SYCP2L: variants seen among roughly 807,000 people sequenced by gnomAD.
SYCP2L encodes synaptonemal complex protein 2-like.
In SYCP2L, 98 loss-of-function variants were observed where a neutral mutation model predicts 125.8. That is an observed-to-expected ratio of 0.78 (90% CI 0.66 to 0.92). SYCP2L has a LOEUF of 0.92. Ranked by LOEUF, SYCP2L falls within the 40% of genes least tolerant of loss-of-function variation. The pLI, the probability that SYCP2L is intolerant of heterozygous loss-of-function variation, is 0.00. For synonymous variants in SYCP2L, 317 were observed against 325.4 expected (o/e 0.97, Z 0.28); for missense variants, 842 against 936.4 (o/e 0.90, Z 1.32).
Position 10,906,134 on chromosome 6 carries a change from G to A in SYCP2L, c.676+80G>A, listed in dbSNP as rs368456973. ...TTTTATGAGCATCTTGGGACTATGGGGAATAAATTATGGTTAAATTGAAGA... is the reference window on the plus strand; with the variant it reads ...TTTTATGAGCATCTTGGGACTATGGAGAATAAATTATGGTTAAATTGAAGA... On this transcript the variant is annotated intron_variant, in intron 9 of 29. Coordinates refer to ENST00000283141, the MANE Select transcript of SYCP2L (RefSeq NM_001040274.3). 1.8e-4 allele frequency: 143 copies of A among 777,864 alleles called. No individual in the cohort carries two copies. The African/African-American group carries it at 2.3e-3, about 12-fold the overall frequency. 48.2% of individuals were successfully genotyped at this position (777,864 alleles called of 1,614,324 possible). A position where few individuals can be genotyped will look rare whatever the true frequency, so the allele number is the denominator to read the frequency against.
At chr6:10,920,575 C>A (rs1780778940) in intron 14 of SYCP2L, among the ~76,000 whole-genome samples, 2 of 152,196 alleles carry the variant, frequency 1.3e-5, no homozygotes, top group Non-Finnish European at 2.9e-5. Context: ...GAGAGTGCCT[C>A]ATGGGAAGAA....
At chr6:10,960,474 T>C (rs1374089286) in intron 26 of SYCP2L, among the ~76,000 whole-genome samples, 2 of 152,152 alleles carry the variant, frequency 1.3e-5, no homozygotes, top group Non-Finnish European at 2.9e-5. Context: ...GTGCTTTTCA[T>C]TGAAACATTT....
At chr6:10,924,974 A>G (rs1315753284) in intron 15 of SYCP2L, among the ~76,000 whole-genome samples, 1 of 152,202 alleles carries the variant, frequency 6.6e-6, no homozygotes, top group Admixed American at 6.5e-5. Context: ...TGTCTCTCTC[A>G]GCTCCCCCTG....
chr6:10,941,106 A>G (rs1781210971), intron 21 of SYCP2L, among the ~76,000 whole-genome samples: 1 of 152,202 alleles, frequency 6.6e-6, no homozygotes, highest in South Asian at 2.1e-4. Context: ...CGTATGTAGA[A>G]AGCTGAAACT....
intron 8 of SYCP2L, among the ~76,000 whole-genome samples, chr6:10,903,316 A>G (rs1193164479): frequency 1.3e-5 from 2 of 152,172 alleles, no homozygotes; most frequent in Non-Finnish European, 2.9e-5. Context: ...TGGGAGGCCA[A>G]GGCGGGTGGA....
Position 10,906,018 on chromosome 6 carries a change from A to C in SYCP2L, c.642-2A>C. 6.3e-7 allele frequency: 1 copy of C among 1,596,874 alleles called. No individual in the cohort carries two copies. Among genetic ancestry groups the C allele is most frequent in the Non-Finnish European group, 8.6e-7 (1 of 1,167,106 alleles). On this transcript the variant is annotated splice_acceptor_variant, in intron 8 of 29. Coordinates refer to ENST00000283141, the MANE Select transcript of SYCP2L (RefSeq NM_001040274.3). LOFTEE classifies it high-confidence loss of function. ...TAAATGTGATTTATCTAAATGTTTC[A>C]GGAAAGACCTTGCAAGGACACTCTT...
chr6:10,915,888 A>G (rs1780684670), intron 14 of SYCP2L, among the ~76,000 whole-genome samples: 1 of 152,190 alleles, frequency 6.6e-6, no homozygotes, highest in Non-Finnish European at 1.5e-5. Flanking sequence ...TAATGTCAGT[A>G]GGATTGGCAC....
At chr6:10,962,968 AG>A (rs1465199142) in intron 28 of SYCP2L, among the ~76,000 whole-genome samples, 1 of 152,228 alleles carries the variant, frequency 6.6e-6, no homozygotes, top group African/African-American at 2.4e-5. Flanking sequence ...GGGTTTCCCC[AG>A]GCACACTTTG....
At chr6:10,925,845 C>CATCGAAATCAT (rs1780887183) in intron 15 of SYCP2L, among the ~76,000 whole-genome samples, 1 of 152,136 alleles carries the variant, frequency 6.6e-6, no homozygotes, top group Admixed American at 6.6e-5. Flanking sequence ...CTCACAAAAA[C>CATCGAAATCAT]ATCGAAATCA....
chr6:10,890,528 A>AT (rs1370180228), intron 1 of SYCP2L, among the ~76,000 whole-genome samples: 2 of 151,956 alleles, frequency 1.3e-5, no homozygotes, highest in Admixed American at 6.6e-5. Context: ...TTATTTACCC[A>AT]TTTTTAATTG....
At chr6:10,909,746 G>A (rs1050910405) in intron 10 of SYCP2L, among the ~76,000 whole-genome samples, 17 of 152,344 alleles carry the variant, frequency 1.1e-4, no homozygotes, top group African/African-American at 4.1e-4. Context: ...CATTTTGTAG[G>A]TTTGTGGTTG....
chr6:10,898,367 G>A (rs1174200841), intron 5 of SYCP2L, among the ~76,000 whole-genome samples: 3 of 151,988 alleles, frequency 2.0e-5, no homozygotes, highest in Admixed American at 6.6e-5. Flanking sequence ...ACAGAAATTC[G>A]CCGGGCGTGG....
chr6:10,907,468 C>A, intron 9 of SYCP2L, 74 bp from the exon 10 acceptor site: 1 of 1,431,862 alleles, frequency 7.0e-7, no homozygotes, highest in Non-Finnish European at 9.4e-7. Context: ...AGAGCAAGTG[C>A]TAAATCTGGA....
At chr6:10,922,952 AT>A (rs1248538315) in intron 14 of SYCP2L, among the ~76,000 whole-genome samples, 22 of 152,214 alleles carry the variant, frequency 1.4e-4, no homozygotes, top group Non-Finnish European at 4.4e-5. Context: ...CCAGAATATT[AT>A]TTTAACATGT....
chr6:10,941,919 G>A (rs1269030820), intron 21 of SYCP2L, among the ~76,000 whole-genome samples: 1 of 151,968 alleles, frequency 6.6e-6, no homozygotes, highest in African/African-American at 2.4e-5. Context: ...GTCCAACAAC[G>A]ATAGACTGGA....
At chr6:10,945,339 C>T (rs1028072435) in intron 23 of SYCP2L, among the ~76,000 whole-genome samples, 3 of 152,140 alleles carry the variant, frequency 2.0e-5, no homozygotes, top group Non-Finnish European at 4.4e-5. Flanking sequence ...TACATTCTTA[C>T]TGTTTTTTAA....
chr6:10,887,340 C>T (rs916576400), intron 1 of SYCP2L, among the ~76,000 whole-genome samples: 1 of 152,218 alleles, frequency 6.6e-6, no homozygotes, highest in Non-Finnish European at 1.5e-5. Context: ...AACCTCGGAT[C>T]CCTAGCTAAA....
intron 26 of SYCP2L, 64 bp downstream of exon 26, chr6:10,958,939 A>G: frequency 1.5e-6 from 2 of 1,309,946 alleles, no homozygotes; most frequent in South Asian, 2.4e-5. Context: ...CGTTTATCTC[A>G]TGACCACTGT....
chr6:10,923,402 T>C (rs1472296220), intron 14 of SYCP2L, among the ~76,000 whole-genome samples: 1 of 124,030 alleles, frequency 8.1e-6, no homozygotes, highest in Non-Finnish European at 1.7e-5. Flanking sequence ...TTTTTTTTTT[T>C]TGAGATGGAG....
Sources: allele counts gnomAD v4.1 joint callset (sites outside exome capture counted in the v4.1 genomes callset), GRCh38; gene constraint gnomAD v4.1.1; transcripts MANE v1.5; gene names NCBI Gene and HGNC (gene_info 2026-07-23, HGNC 2026-07-21).